The following GABRA2 variants were observed in gnomAD, a reference collection of about 807,000 sequenced individuals.
GABRA2 encodes gamma-aminobutyric acid type A receptor subunit alpha2, also known as gamma-aminobutyric acid receptor subunit alpha-2.
Under a neutral mutation model 48.7 loss-of-function variants are expected in GABRA2, and 16 were observed. The ratio of observed to expected loss-of-function variants is 0.33; its 90% CI spans 0.22 to 0.50. The LOEUF is 0.50. Among genes scored for constraint, GABRA2 ranks in the 20% least tolerant of loss-of-function variants. The probability of loss-of-function intolerance (pLI) is 0.98; values close to 1 mark genes in which losing one functional copy is unlikely to be tolerated. For missense variants in GABRA2, 275 were observed against 535.6 expected (o/e 0.51, Z 4.80); for synonymous variants, 185 against 184.5 (o/e 1.00, Z -0.02).
chr4:46,354,494 C>T (rs1735656279), intron 3 of GABRA2, among the ~76,000 whole-genome samples: 1 of 152,080 alleles, frequency 6.6e-6, no homozygotes, highest in Non-Finnish European at 1.5e-5. Context: ...ACACAGGGAA[C>T]AAGGGTGAAT....
chr4:46,284,812 A>T (rs1174539753), intron 8 of GABRA2, among the ~76,000 whole-genome samples: 1 of 151,988 alleles, frequency 6.6e-6, no homozygotes, highest in Non-Finnish European at 1.5e-5. Flanking sequence ...ATTAAAATTA[A>T]TTAAAAAATT....
At chr4:46,359,026 A>T (rs1222159768) in intron 3 of GABRA2, among the ~76,000 whole-genome samples, 1 of 152,196 alleles carries the variant, frequency 6.6e-6, no homozygotes, top group Non-Finnish European at 1.5e-5. Flanking sequence ...AAATATTGGG[A>T]TCTGTAATTT....
intron 8 of GABRA2, among the ~76,000 whole-genome samples, chr4:46,273,504 T>TATATATATATATATGC (rs1719851245): frequency 5.0e-5 from 1 of 19,984 alleles, no homozygotes; most frequent in Non-Finnish European, 1.0e-4. Flanking sequence ...TATATATGCA[T>TATATATATATATATGC]ATATATATAT....
At chr4:46,312,412 T>C (rs1252537112) in intron 5 of GABRA2, 84 bp downstream of exon 5, 3 of 857,538 alleles carry the variant, frequency 3.5e-6, no homozygotes, top group Non-Finnish European at 5.7e-6. Context: ...ACTTTGTTAA[T>C]ACTTGACAGC....
intron 4 of GABRA2, among the ~76,000 whole-genome samples, chr4:46,330,970 C>A (rs770452385): frequency 4.1e-4 from 63 of 152,052 alleles, no homozygotes; most frequent in African/African-American, 1.2e-3. Flanking sequence ...ATATCTATAG[C>A]CAAACAATAA....
intron 8 of GABRA2, among the ~76,000 whole-genome samples, chr4:46,293,816 G>A (rs138905261): frequency 2.0e-3 from 307 of 152,196 alleles, no homozygotes; most frequent in African/African-American, 6.8e-3. Flanking sequence ...AAAAATGCAG[G>A]GGTGGTGACT....
chr4:46,360,312 G>C (rs995010691), intron 3 of GABRA2, among the ~76,000 whole-genome samples: 7 of 152,158 alleles, frequency 4.6e-5, no homozygotes, highest in African/African-American at 1.7e-4. Flanking sequence ...TTTCTTGGGA[G>C]GAATCCAGTG....
chr4:46,287,836 C>G (rs939190868), intron 8 of GABRA2, among the ~76,000 whole-genome samples: 4 of 152,034 alleles, frequency 2.6e-5, no homozygotes, highest in African/African-American at 9.7e-5. Context: ...TGTCTATTTT[C>G]ACACTGCTGA....
intron 9 of GABRA2, among the ~76,000 whole-genome samples, chr4:46,259,899 C>T (rs1249030340): frequency 6.6e-6 from 1 of 151,784 alleles, no homozygotes; most frequent in Non-Finnish European, 1.5e-5. Context: ...TACTTTAGGG[C>T]ACTCTTCTAG....
chr4:46,251,819 TA>T (rs1257108430), intron 9 of GABRA2, among the ~76,000 whole-genome samples: 2 of 151,478 alleles, frequency 1.3e-5, no homozygotes, highest in African/African-American at 4.8e-5. Flanking sequence ...TTCACCTTTG[TA>T]ATCTTAGCAC....
chr4:46,313,115 G>GAAAA (rs1727929748), intron 4 of GABRA2, among the ~76,000 whole-genome samples: 1 of 90,424 alleles, frequency 1.1e-5, no homozygotes, highest in African/African-American at 4.2e-5. Context: ...TTTCCCAGTA[G>GAAAA]CAAATAAATA....
rs534595065 is a variant in GABRA2, at chr4:46,374,486, T to A, written c.187+11588A>T. On this transcript the variant is annotated intron_variant, in intron 3 of 9. Coordinates refer to ENST00000381620, the MANE Select transcript of GABRA2 (RefSeq NM_000807.4). ...ACAATCTAAATAACGTATTTTGTAA[T>A]ACTACTTGGAGACATTTGTAATTTT... 2.6e-5 allele frequency among the ~76,000 whole-genome samples: 4 copies of A among 152,288 alleles called. No individual in the cohort carries two copies. The East Asian group carries it at 7.7e-4, about 29-fold the overall frequency.
At chr4:46,379,610 C>T (rs1024070201) in intron 3 of GABRA2, among the ~76,000 whole-genome samples, 3 of 152,080 alleles carry the variant, frequency 2.0e-5, no homozygotes, top group Non-Finnish European at 4.4e-5. Flanking sequence ...TCTTCTTATG[C>T]GGAAGGCTTA....
chr4:46,322,908 C>G (rs755564677), intron 4 of GABRA2, among the ~76,000 whole-genome samples: 2 of 151,924 alleles, frequency 1.3e-5, no homozygotes, highest in Non-Finnish European at 2.9e-5. Context: ...AAGTGACTTT[C>G]ATTTGTGTGT....
In GABRA2 at chr4:46,389,829, G is replaced by A; in HGVS notation, c.-105C>T. ...AGAGAGAGAGAGAGAGAGAGAGAGA[G>A]AGAGAGAGAGAGAGAGAGAGAGAGA... On this transcript the variant is annotated 5_prime_UTR_variant, in exon 1 of 10. Transcript: ENST00000381620. The A allele has an allele frequency of 1.0e-6, 1 of 959,882 alleles. No homozygotes were observed. 59.5% of individuals were successfully genotyped at this position (959,882 alleles called of 1,614,324 possible).
intron 8 of GABRA2, among the ~76,000 whole-genome samples, chr4:46,290,298 T>G (rs920505872): frequency 6.6e-6 from 1 of 151,970 alleles, no homozygotes; most frequent in Non-Finnish European, 1.5e-5. Context: ...GTTTTTGAAT[T>G]TCTGAAAAAA....
intron 8 of GABRA2, among the ~76,000 whole-genome samples, chr4:46,266,175 T>C (rs1718178668): frequency 1.3e-5 from 2 of 151,486 alleles, no homozygotes; most frequent in Non-Finnish European, 2.9e-5. Context: ...GTTGGCGTAT[T>C]CTCTATTCAA....
Position 46,248,159 on chromosome 4 carries a change from T to G in GABRA2, c.*2149A>C, listed in dbSNP as rs1714062811. On this transcript the variant is annotated 3_prime_UTR_variant, in exon 10 of 10. Coordinates refer to ENST00000381620, the MANE Select transcript of GABRA2 (RefSeq NM_000807.4). ...TTTACATATACACATATTTATAAAT[T>G]TATAACTTATAGTCAGACATTAAGG... Among the ~76,000 whole-genome samples, 1 of 151,276 alleles carries G rather than the reference T, an allele frequency of 6.6e-6. No individual in the cohort carries two copies. Among genetic ancestry groups the G allele is most frequent in the Admixed American group, 6.6e-5 (1 of 15,120 alleles).
chr4:46,352,909 C>A (rs1735375295), intron 3 of GABRA2, among the ~76,000 whole-genome samples: 1 of 152,100 alleles, frequency 6.6e-6, no homozygotes. Flanking sequence ...AAAGAAATTT[C>A]TCTCTGAAAG....
Sources: allele counts gnomAD v4.1 joint callset (sites outside exome capture counted in the v4.1 genomes callset), GRCh38; gene constraint gnomAD v4.1.1; transcripts MANE v1.5; gene names NCBI Gene and HGNC (gene_info 2026-07-23, HGNC 2026-07-21).